ARMC8: variants seen among roughly 807,000 people sequenced by gnomAD.
ARMC8 encodes armadillo repeat-containing protein 8.
Under a neutral mutation model 99.3 loss-of-function variants are expected in ARMC8, and 20 were observed. The observed-to-expected ratio is 0.20, with a 90% CI of 0.14 to 0.29. The LOEUF (loss-of-function observed/expected upper bound fraction) is 0.29, where lower values mean the gene tolerates loss of function less well. Ranked by LOEUF, ARMC8 falls within the 10% of genes least tolerant of loss-of-function variation. The probability of loss-of-function intolerance (pLI) is 1.00; values close to 1 mark genes in which losing one functional copy is unlikely to be tolerated. For missense variants in ARMC8, 569 were observed against 809.5 expected, an observed-to-expected ratio of 0.70 and a Z score of 3.60; for synonymous variants, 263 against 278.3, an observed-to-expected ratio of 0.95 and a Z score of 0.55.
At chr3:138,235,183 T>C (rs901281174) in intron 7 of ARMC8, 69 bp downstream of exon 7, 109 of 1,073,258 alleles carry the variant, frequency 1.0e-4, no homozygotes, top group Non-Finnish European at 1.4e-4. Flanking sequence ...GACCCACATA[T>C]TTTTATTGTT....
At chr3:138,280,990 T>G (rs1294224305) in intron 18 of ARMC8, among the ~76,000 whole-genome samples, 1 of 152,156 alleles carries the variant, frequency 6.6e-6, no homozygotes, top group African/African-American at 2.4e-5. Flanking sequence ...ATTTCAATTT[T>G]TGCAGGCTCT....
chr3:138,260,456 C>A (rs2047648711), intron 12 of ARMC8, among the ~76,000 whole-genome samples: 1 of 152,196 alleles, frequency 6.6e-6, no homozygotes, highest in Non-Finnish European at 1.5e-5. Flanking sequence ...ACTAGGCTGG[C>A]TACCTACTCA....
At chr3:138,256,671 A>G (rs932765466) in intron 12 of ARMC8, among the ~76,000 whole-genome samples, 1 of 151,794 alleles carries the variant, frequency 6.6e-6, no homozygotes, top group African/African-American at 2.4e-5. Context: ...CGGCCTCCCA[A>G]AGTGCTGGCA....
intron 2 of ARMC8, among the ~76,000 whole-genome samples, chr3:138,220,998 T>C (rs1477166245): frequency 6.6e-6 from 1 of 152,092 alleles, no homozygotes; most frequent in East Asian, 1.9e-4. Context: ...CCAGGGAAGT[T>C]TTTTTAAACA....
At chr3:138,224,205 G>C (rs997550741) in intron 5 of ARMC8, among the ~76,000 whole-genome samples, 1 of 150,882 alleles carries the variant, frequency 6.6e-6, no homozygotes. Flanking sequence ...TGATCCACCC[G>C]CCTCGGCCTC....
rs935944920 is a variant in ARMC8 at position 138,296,723 on chromosome 3, T to G, written c.*831T>G. On this transcript the variant is annotated 3_prime_UTR_variant, in exon 22 of 22. Coordinates refer to ENST00000469044, the MANE Select transcript of ARMC8 (RefSeq NM_001363941.2). ...TTCCAAGTCAAATGGAGAAGTAAAG[T>G]GAGGCAACAGATTCACCATAGGCTT... 1 of 152,138 alleles carries G rather than the reference T, an allele frequency of 6.6e-6. No individual in the cohort carries two copies. The allele number at this position is 152,138 out of a possible 1,614,324, so 9.4% of individuals were successfully genotyped here.
At chr3:138,284,233 C>G (rs2050193521) in intron 18 of ARMC8, among the ~76,000 whole-genome samples, 198 bp from the exon 19 acceptor site, 1 of 152,190 alleles carries the variant, frequency 6.6e-6, no homozygotes, top group South Asian at 2.1e-4. Context: ...TTGGGGTTCT[C>G]TTTTGCCTAA....
At chr3:138,245,830 A>G in intron 12 of ARMC8, 1 of 985,816 alleles carries the variant, frequency 1.0e-6, no homozygotes, top group Non-Finnish European at 1.2e-6. Flanking sequence ...GTATAGTGGT[A>G]AGTAAGCTCT....
chr3:138,226,768 A>G (rs1440487354), intron 5 of ARMC8, among the ~76,000 whole-genome samples: 5 of 152,142 alleles, frequency 3.3e-5, no homozygotes, highest in Non-Finnish European at 7.3e-5. Flanking sequence ...CTCTAAACTG[A>G]TTGATGACCT....
chr3:138,246,723 G>C (rs1376706787), intron 12 of ARMC8: 1 of 984,796 alleles, frequency 1.0e-6, no homozygotes, highest in Non-Finnish European at 1.2e-6. Flanking sequence ...GGAATTAATG[G>C]CTTAATTTGT....
At chr3:138,188,346 G>A in intron 1 of ARMC8, 1 of 1,350,956 alleles carries the variant, frequency 7.4e-7, no homozygotes, top group Non-Finnish European at 9.7e-7. Flanking sequence ...TTGAAAGAAG[G>A]GAACGTATTG....
At chr3:138,289,507 A>C (rs561966660) in intron 20 of ARMC8, among the ~76,000 whole-genome samples, 2 of 152,200 alleles carry the variant, frequency 1.3e-5, no homozygotes, top group Non-Finnish European at 2.9e-5. Flanking sequence ...GCAGATAAGC[A>C]TGATGGAGAA....
chr3:138,202,092 GTGTT>G (rs1183869865), intron 1 of ARMC8, among the ~76,000 whole-genome samples: 1 of 151,992 alleles, frequency 6.6e-6, no homozygotes, highest in African/African-American at 2.4e-5. Context: ...TCCTATTTTT[GTGTT>G]TGTTTCTTTC....
intron 19 of ARMC8, among the ~76,000 whole-genome samples, chr3:138,286,727 A>C (rs1435964542): frequency 6.8e-6 from 1 of 148,128 alleles, no homozygotes; most frequent in Admixed American, 6.7e-5. Context: ...GTACAGACAG[A>C]GTTGAGAACC....
chr3:138,287,601 G>A, intron 19 of ARMC8: 1 of 456,212 alleles, frequency 2.2e-6, no homozygotes, highest in Non-Finnish European at 4.4e-6. Context: ...GAGGCTGGGA[G>A]CAGATAAGTT....
chr3:138,235,135 GC>G, intron 7 of ARMC8, 21 bp downstream of exon 7: 1 of 1,565,290 alleles, frequency 6.4e-7, no homozygotes, highest in Non-Finnish European at 8.8e-7. Flanking sequence ...AAAAATTGTG[GC>G]CAGATTTGTA....
chr3:138,240,812 G>T (rs560422094), intron 10 of ARMC8, among the ~76,000 whole-genome samples: 1 of 152,306 alleles, frequency 6.6e-6, no homozygotes, highest in South Asian at 2.1e-4. Flanking sequence ...GTCCTTTCAA[G>T]TGGATCCGTC....
intron 2 of ARMC8, among the ~76,000 whole-genome samples, chr3:138,218,878 A>G (rs1174373451): frequency 6.6e-6 from 1 of 152,196 alleles, no homozygotes; most frequent in Admixed American, 6.5e-5. Context: ...CTACTGGGAA[A>G]AGGGTATCTG....
At chr3:138,223,555 T>C (rs1179164864) in intron 4 of ARMC8, 24 bp downstream of exon 4, 2 of 1,614,062 alleles carry the variant, frequency 1.2e-6, no homozygotes, top group Non-Finnish European at 1.7e-6. Flanking sequence ...CCATTTTTGC[T>C]CAATTAAGGT....
Sources: allele counts gnomAD v4.1 joint callset (sites outside exome capture counted in the v4.1 genomes callset), GRCh38; gene constraint gnomAD v4.1.1; transcripts MANE v1.5; gene names NCBI Gene and HGNC (gene_info 2026-07-23, HGNC 2026-07-21).